Variants in SMAP1 observed in about 807,000 individuals in gnomAD.
SMAP1 encodes stromal membrane-associated protein 1.
Under a neutral mutation model 58.5 loss-of-function variants are expected in SMAP1, and 24 were observed. The ratio of observed to expected loss-of-function variants is 0.41; its 90% confidence interval spans 0.30 to 0.58. The LOEUF is 0.58. Ranked by LOEUF, SMAP1 falls within the 20% of genes least tolerant of loss-of-function variation. The probability of loss-of-function intolerance (pLI) is 0.29; values close to 1 mark genes in which losing one functional copy is unlikely to be tolerated. For missense variants in SMAP1, 563 were observed against 566.3 expected (o/e 0.99, Z 0.06); for synonymous variants, 216 against 196.6 (o/e 1.10, Z -0.82).
intron 6 of SMAP1, among the ~76,000 whole-genome samples, chr6:70,804,378 A>C (rs920919952): frequency 2.0e-5 from 3 of 148,480 alleles, no homozygotes; most frequent in Non-Finnish European, 4.4e-5. Flanking sequence ...TTTTGAGCCT[A>C]TGTGTGTCTC....
chr6:70,729,459 TTGTGTGTGTGTGTGTG>T (rs35058846), intron 1 of SMAP1, among the ~76,000 whole-genome samples: 3 of 128,164 alleles, frequency 2.3e-5, no homozygotes, highest in African/African-American at 2.9e-5. Flanking sequence ...AAAAAGAAGG[TTGTGTGTGTGTGTGTG>T]TGTGTGTGTG....
chr6:70,738,167 C>T (rs1765686030), intron 2 of SMAP1, among the ~76,000 whole-genome samples: 1 of 152,102 alleles, frequency 6.6e-6, no homozygotes, highest in Non-Finnish European at 1.5e-5. Context: ...GAAGTTTCTT[C>T]CATTCTTGAG....
intron 4 of SMAP1, among the ~76,000 whole-genome samples, chr6:70,784,441 A>C (rs370661425): frequency 0.029 from 4,259 of 149,312 alleles, 79 homozygotes; most frequent in Middle Eastern, 0.099. Flanking sequence ...GGATCAAATT[A>C]ACACATAACA....
chr6:70,747,371 T>C (rs10498875), intron 2 of SMAP1, among the ~76,000 whole-genome samples: 66,072 of 152,022 alleles, frequency 0.43, 14,732 homozygotes, highest in South Asian at 0.5. Flanking sequence ...GAGAAAGTAG[T>C]GTTCTGTGAC....
intron 1 of SMAP1, among the ~76,000 whole-genome samples, chr6:70,729,489 G>A (rs184864274): frequency 6.6e-6 from 1 of 150,758 alleles, no homozygotes; most frequent in Non-Finnish European, 1.5e-5. Flanking sequence ...GTGTGTGTGT[G>A]TGTGTATGTG....
At chr6:70,732,636 G>A (rs1232821436) in intron 2 of SMAP1, 125 bp downstream of exon 2, 9 of 749,406 alleles carry the variant, frequency 1.2e-5, no homozygotes, top group East Asian at 3.3e-5. Flanking sequence ...CATATGCCAC[G>A]TATAAAATTG....
At chr6:70,795,072 G>A (rs1323341144) in intron 5 of SMAP1, among the ~76,000 whole-genome samples, 1 of 152,098 alleles carries the variant, frequency 6.6e-6, no homozygotes, top group Non-Finnish European at 1.5e-5. Flanking sequence ...CATTTGGGTT[G>A]TTTCCAAGTC....
At chr6:70,811,227 T>C (rs1447206375) in intron 6 of SMAP1, among the ~76,000 whole-genome samples, 1 of 152,182 alleles carries the variant, frequency 6.6e-6, no homozygotes, top group Non-Finnish European at 1.5e-5. Context: ...TTTTGGACAT[T>C]TCTGAGTACC....
chr6:70,855,910 C>T (rs1424490016), intron 8 of SMAP1, among the ~76,000 whole-genome samples: 2 of 152,130 alleles, frequency 1.3e-5, no homozygotes, highest in African/African-American at 4.8e-5. Flanking sequence ...GCTTACAATT[C>T]TTGCTTAGTC....
intron 1 of SMAP1, among the ~76,000 whole-genome samples, chr6:70,729,550 A>G (rs545739793): frequency 6.6e-6 from 1 of 151,660 alleles, no homozygotes; most frequent in Admixed American, 6.6e-5. Context: ...CGCCTGCCAG[A>G]CATTTTCATC....
chr6:70,763,281 A>G (rs1766831614), intron 3 of SMAP1, among the ~76,000 whole-genome samples: 1 of 151,910 alleles, frequency 6.6e-6, no homozygotes. Context: ...CTTTATGGTG[A>G]TCTGTCATCA....
intron 1 of SMAP1, among the ~76,000 whole-genome samples, chr6:70,683,830 TA>T (rs1341890411): frequency 6.6e-6 from 1 of 152,252 alleles, no homozygotes. Flanking sequence ...TAAAAGAGGT[TA>T]AATGACTTGT....
chr6:70,695,765 G>C (rs1294363884), intron 1 of SMAP1, among the ~76,000 whole-genome samples: 1 of 152,010 alleles, frequency 6.6e-6, no homozygotes, highest in African/African-American at 2.4e-5. Context: ...GTCTGGTTTT[G>C]GTATCAGGGT....
intron 3 of SMAP1, among the ~76,000 whole-genome samples, chr6:70,767,354 T>C (rs1258513673): frequency 6.6e-6 from 1 of 152,142 alleles, no homozygotes; most frequent in African/African-American, 2.4e-5. Context: ...GCCATTTTCA[T>C]GATATTGACT....
chr6:70,805,580 G>A (rs757059907), intron 6 of SMAP1, among the ~76,000 whole-genome samples: 1 of 152,092 alleles, frequency 6.6e-6, no homozygotes, highest in East Asian at 1.9e-4. Context: ...AAGAGAAGAG[G>A]GGCTCTGGTT....
intron 1 of SMAP1, among the ~76,000 whole-genome samples, chr6:70,715,425 A>G (rs1181834826): frequency 6.6e-6 from 1 of 152,156 alleles, no homozygotes; most frequent in Non-Finnish European, 1.5e-5. Context: ...CCTATTTGGT[A>G]TCATTTGGGC....
chr6:70,670,956 T>G (rs1766238849), intron 1 of SMAP1, among the ~76,000 whole-genome samples: 1 of 152,208 alleles, frequency 6.6e-6, no homozygotes, highest in South Asian at 2.1e-4. Flanking sequence ...TTGATCCTGC[T>G]CTTACCAAAT....
At chr6:70,745,438 C>A (rs1225688459) in intron 2 of SMAP1, among the ~76,000 whole-genome samples, 1 of 152,266 alleles carries the variant, frequency 6.6e-6, no homozygotes, top group Non-Finnish European at 1.5e-5. Flanking sequence ...GGAATCCTTT[C>A]CCCATTTCTT....
intron 2 of SMAP1, 103 bp downstream of exon 2, chr6:70,732,614 A>T (rs1171428142): frequency 2.0e-6 from 2 of 1,021,574 alleles, no homozygotes; most frequent in South Asian, 7.1e-5. Context: ...GTAGTTTTGT[A>T]TGTTGAAATG....
Sources: gnomAD v4.1 joint callset for allele counts (sites outside exome capture counted in the v4.1 genomes callset) on GRCh38, gnomAD v4.1.1 for gene constraint, MANE v1.5 for transcripts, NCBI Gene and HGNC (gene_info 2026-07-23, HGNC 2026-07-21) for gene names.